The following NBEA variants were observed in gnomAD, a reference collection of about 807,000 sequenced individuals.
The protein encoded by NBEA is neurobeachin, also known as lysosomal-trafficking regulator 2.
NBEA carries 44 observed loss-of-function variants against 343.4 expected under a neutral mutation model. The observed-to-expected ratio is 0.13, with a 90% CI of 0.10 to 0.16. The LOEUF is 0.16. NBEA is among the 10% of genes least tolerant of loss of function. The probability of loss-of-function intolerance (pLI) is 1.00; values close to 1 mark genes in which losing one functional copy is unlikely to be tolerated. For missense variants in NBEA, 2,555 were observed against 3,631.3 expected (o/e 0.70, Z 7.62); for synonymous variants, 1,175 against 1,238.7 (o/e 0.95, Z 1.08).
chr13:35,040,766 T>C (rs1999171), intron 1 of NBEA, among the ~76,000 whole-genome samples, 167 bp from the exon 2 acceptor site: 149,909 of 152,174 alleles, frequency 0.99, 73,868 homozygotes, highest in East Asian at 1. Context: ...ATGCTCACAA[T>C]GCCTTTCACT....
chr13:35,427,850 A>G (rs901726624), intron 38 of NBEA, among the ~76,000 whole-genome samples: 2 of 152,140 alleles, frequency 1.3e-5, no homozygotes, highest in Non-Finnish European at 2.9e-5. Context: ...CCCCTTCCCC[A>G]GTCTCACTGC....
At chr13:35,218,868 A>G (rs1217946510) in intron 33 of NBEA, among the ~76,000 whole-genome samples, 2 of 152,060 alleles carry the variant, frequency 1.3e-5, no homozygotes, top group Non-Finnish European at 2.9e-5. Flanking sequence ...AATGTGAAAT[A>G]GATTTATCTC....
intron 13 of NBEA, among the ~76,000 whole-genome samples, chr13:35,114,303 A>G (rs902622558): frequency 6.6e-6 from 1 of 152,164 alleles, no homozygotes; most frequent in African/African-American, 2.4e-5. Context: ...CCTAGCCTCA[A>G]ACTTTTTAAA....
chr13:35,503,227 A>G (rs982815570), intron 41 of NBEA, among the ~76,000 whole-genome samples: 2 of 151,756 alleles, frequency 1.3e-5, no homozygotes, highest in Non-Finnish European at 2.9e-5. Flanking sequence ...ATACTTAAAT[A>G]TTATAGTGTA....
intron 36 of NBEA, among the ~76,000 whole-genome samples, chr13:35,332,389 G>T (rs946918925): frequency 1.3e-5 from 2 of 152,042 alleles, no homozygotes; most frequent in Non-Finnish European, 2.9e-5. Flanking sequence ...TACAAGGGTT[G>T]TTCAAGGATA....
chr13:35,607,913 C>T (rs1342794979), intron 48 of NBEA, among the ~76,000 whole-genome samples: 2 of 152,142 alleles, frequency 1.3e-5, no homozygotes, highest in East Asian at 3.9e-4. Context: ...TAGCCCAAGG[C>T]AAACACAAAT....
At chr13:35,375,710 C>G (rs562455923) in intron 38 of NBEA, among the ~76,000 whole-genome samples, 1 of 152,098 alleles carries the variant, frequency 6.6e-6, no homozygotes, top group Non-Finnish European at 1.5e-5. Flanking sequence ...GAAATCATAG[C>G]ATTTGTGATG....
chr13:35,424,733 C>G (rs138864114), intron 38 of NBEA, among the ~76,000 whole-genome samples: 2,051 of 152,220 alleles, frequency 0.013, 58 homozygotes, highest in African/African-American at 0.047. Flanking sequence ...GGTACCAGCT[C>G]CTCCTTGTAC....
intron 51 of NBEA, 26 bp downstream of exon 51, chr13:35,646,374 T>A: frequency 1.3e-6 from 2 of 1,557,700 alleles, no homozygotes; most frequent in Non-Finnish European, 1.8e-6. Flanking sequence ...ATGTTGAGAT[T>A]TTTTTTTCTT....
chr13:35,612,412 G>T (rs1027389311), intron 48 of NBEA, among the ~76,000 whole-genome samples: 3 of 152,106 alleles, frequency 2.0e-5, no homozygotes, highest in African/African-American at 7.2e-5. Context: ...GATTACAGGC[G>T]TGAGCCACGG....
In NBEA at chr13:34,988,466, C is replaced by T. The variant is rs577002961; in HGVS notation, c.294+45352C>T. Among the ~76,000 whole-genome samples, 14 of 151,212 alleles carry T rather than the reference C, an allele frequency of 9.3e-5. No individual in the cohort carries two copies. In the South Asian group the frequency reaches 1.9e-3, roughly 20 times the overall value. On this transcript the variant is annotated intron_variant, in intron 1 of 58. Coordinates refer to ENST00000379939, the MANE Select transcript of NBEA (RefSeq NM_001385012.1). The stretch of plus-strand genomic sequence containing the variant: ...GGGGTCCACCCAGTTCGAGCTTTTC[C>T]GGCTGCTTTGTTTACCTACTCAAGC...
At chr13:35,030,928 A>G (rs2062190181) in intron 1 of NBEA, among the ~76,000 whole-genome samples, 1 of 151,614 alleles carries the variant, frequency 6.6e-6, no homozygotes. Flanking sequence ...ACATATATTA[A>G]TTGTTAATTC....
intron 1 of NBEA, among the ~76,000 whole-genome samples, chr13:35,033,688 GT>G (rs1195972030): frequency 3.3e-5 from 5 of 151,796 alleles, no homozygotes; most frequent in African/African-American, 1.2e-4. Context: ...TTTCATCAGT[GT>G]TTTATAGTTT....
intron 34 of NBEA, among the ~76,000 whole-genome samples, chr13:35,262,255 G>A (rs1002953140): frequency 3.9e-5 from 6 of 152,174 alleles, no homozygotes; most frequent in African/African-American, 1.4e-4. Context: ...TAGCCATAGA[G>A]GAAAATAGTT....
At chr13:35,348,988 T>G in intron 36 of NBEA, 120 bp from the exon 37 acceptor site, 3 of 405,826 alleles carry the variant, frequency 7.4e-6, no homozygotes, top group Non-Finnish European at 1.3e-5. Flanking sequence ...TATATTAATT[T>G]TATATCTAGC....
intron 10 of NBEA, among the ~76,000 whole-genome samples, chr13:35,074,500 A>AAT (rs1415377902): frequency 3.9e-5 from 6 of 152,306 alleles, no homozygotes; most frequent in Admixed American, 3.9e-4. Flanking sequence ...ACACCAGGAG[A>AAT]ATAGTTTCAT....
At chr13:35,052,437 T>G (rs2063097293) in intron 6 of NBEA, among the ~76,000 whole-genome samples, 1 of 152,044 alleles carries the variant, frequency 6.6e-6, no homozygotes, top group South Asian at 2.1e-4. Flanking sequence ...ACTTTTAATT[T>G]TCAATTTATT....
rs1226057198 is a variant in NBEA at position 35,525,104 on chromosome 13, A to G, written c.6586-25373A>G. ...AAGCAAACTAATGCATATCAGAAAT[A>G]AGTTATCTTGTTACTGTCAAAGGAT... On this transcript the variant is annotated intron_variant, in intron 41 of 58. Coordinates refer to ENST00000379939, the MANE Select transcript of NBEA (RefSeq NM_001385012.1). 2.0e-5 allele frequency among the ~76,000 whole-genome samples: 3 copies of G among 152,334 alleles called. No homozygotes were observed. In the South Asian group the frequency reaches 6.2e-4, roughly 32 times the overall value.
chr13:35,266,400 A>G (rs2033678985), intron 34 of NBEA, among the ~76,000 whole-genome samples: 1 of 151,886 alleles, frequency 6.6e-6, no homozygotes, highest in African/African-American at 2.4e-5. Flanking sequence ...TGTTTATTGT[A>G]GCATTTTTTC....
Sources: allele counts gnomAD v4.1 joint callset (sites outside exome capture counted in the v4.1 genomes callset), GRCh38; gene constraint gnomAD v4.1.1; transcripts MANE v1.5; gene names NCBI Gene and HGNC (gene_info 2026-07-23, HGNC 2026-07-21).